The following PLEKHA6 variants were observed in gnomAD, a reference collection of about 807,000 sequenced individuals.
PLEKHA6 encodes pleckstrin homology domain containing A6.
Under a neutral mutation model 116.7 loss-of-function variants are expected in PLEKHA6, and 60 were observed. The observed-to-expected ratio is 0.51, with a 90% CI of 0.42 to 0.64. The LOEUF (loss-of-function observed/expected upper bound fraction) is 0.64, where lower values mean the gene tolerates loss of function less well. Ranked by LOEUF, PLEKHA6 falls within the 30% of genes least tolerant of loss-of-function variation. The pLI is 0.00. For missense variants in PLEKHA6, 1,338 were observed against 1,422.7 expected (o/e 0.94, Z 0.96); for synonymous variants, 489 against 556.1 (o/e 0.88, Z 1.70).
At chr1:204,358,073 G>A (rs1673464109) in intron 1 of PLEKHA6, among the ~76,000 whole-genome samples, 1 of 152,178 alleles carries the variant, frequency 6.6e-6, no homozygotes. Context: ...AAGCAGGTGG[G>A]GACCCCCATT....
At chr1:204,340,600 G>A (rs1672812124) in intron 1 of PLEKHA6, among the ~76,000 whole-genome samples, 1 of 152,106 alleles carries the variant, frequency 6.6e-6, no homozygotes, top group South Asian at 2.1e-4. Flanking sequence ...AGCCAAGCTG[G>A]GCAAGTAGGT....
At chr1:204,378,007 C>G (rs897875434), upstream of PLEKHA6, 1 of 152,276 alleles carries the variant, frequency 6.6e-6, no homozygotes, top group East Asian at 1.9e-4. Context: ...TGAGTAATTA[C>G]GATGCCTCTC....
chr1:204,346,729 A>C lies in PLEKHA6; in HGVS notation c.-95+12965T>G. 3 of 798,954 alleles carry C rather than the reference A, an allele frequency of 3.8e-6. No homozygotes were observed. In the South Asian group the frequency reaches 4.1e-5, roughly 11 times the overall value. The allele number at this position is 798,954 out of a possible 1,614,324, so 49.5% of individuals were successfully genotyped here. On this transcript the variant is annotated intron_variant, in intron 1 of 22. Transcript: ENST00000272203. ...AGGGATGTTCCTTGCTGAGAAAAAG[A>C]ATTCAGCGATATTTCTCCCATTTGC...
At chr1:204,359,299 C>G (rs1161196141) in intron 1 of PLEKHA6, among the ~76,000 whole-genome samples, 1 of 152,036 alleles carries the variant, frequency 6.6e-6, no homozygotes, top group Non-Finnish European at 1.5e-5. Flanking sequence ...CCCTGGACCC[C>G]CTCCCTCTCT....
At chr1:204,243,635 G>A (rs951359582) in intron 15 of PLEKHA6, among the ~76,000 whole-genome samples, 2 of 151,982 alleles carry the variant, frequency 1.3e-5, no homozygotes, top group Admixed American at 1.3e-4. Flanking sequence ...GCTGCTCTGT[G>A]GCCTGGTTTA....
chr1:204,223,548 A>T lies in PLEKHA6; in HGVS notation c.3069T>A (p.Ala1023=). The T allele has an allele frequency of 7.3e-7, 1 of 1,361,640 alleles. No homozygotes were observed. The highest frequency in any genetic ancestry group is 1.2e-5 in the South Asian group (1 of 81,640). The allele number at this position is 1,361,640 out of a possible 1,614,324, so 84.3% of individuals were successfully genotyped here. A position where few individuals can be genotyped will look rare whatever the true frequency, so the allele number is the denominator to read the frequency against. The change falls in exon 22 of 23, where the codon GCT becomes GCA. Residue 1023 remains alanine (A), a synonymous_variant. Coordinates refer to ENST00000272203, the MANE Select transcript of PLEKHA6 (RefSeq NM_014935.5). The surrounding 1 kb of genome is among the most constrained non-coding windows in gnomAD (Gnocchi z 4.8). ...GGGGGTTTGCTGGAGGAGCCGGGGA[A>T]GCAGGGGAGGTGGGAGGGCTTGGGG... is the stretch of plus-strand genomic sequence containing the variant. ...CATPSPPTSP[A]SPAPPANPLS...
chr1:204,260,111 G>A (rs1024581370), intron 7 of PLEKHA6, among the ~76,000 whole-genome samples: 11 of 152,116 alleles, frequency 7.2e-5, no homozygotes, highest in African/African-American at 2.4e-4. Context: ...CCCTGACCCA[G>A]CTCCCCAAAC....
chr1:204,285,562 G>A (rs34061503), intron 1 of PLEKHA6, among the ~76,000 whole-genome samples: 52,874 of 151,264 alleles, frequency 0.35, 9,569 homozygotes, highest in East Asian at 0.52. Flanking sequence ...CGCAGGCTCC[G>A]CTCCCTGAGC....
chr1:204,243,879 G>A (rs1434762292), intron 15 of PLEKHA6, among the ~76,000 whole-genome samples: 3 of 152,046 alleles, frequency 2.0e-5, no homozygotes, highest in Non-Finnish European at 2.9e-5. Flanking sequence ...GAAGTGCAGT[G>A]GCGCAATCTC....
At chr1:204,310,107 G>T (rs1671603692) in intron 1 of PLEKHA6, among the ~76,000 whole-genome samples, 3 of 151,912 alleles carry the variant, frequency 2.0e-5, no homozygotes, top group Non-Finnish European at 2.9e-5. Flanking sequence ...GCTGGATGTG[G>T]CCCATGGGTC....
intron 17 of PLEKHA6, among the ~76,000 whole-genome samples, chr1:204,235,279 C>T (rs1661874575): frequency 6.6e-6 from 1 of 151,884 alleles, no homozygotes; most frequent in Non-Finnish European, 1.5e-5. Context: ...AAAATAAATG[C>T]ATTTGACACT....
At chr1:204,240,376 G>A (rs193131539) in intron 17 of PLEKHA6, among the ~76,000 whole-genome samples, 14 of 152,376 alleles carry the variant, frequency 9.2e-5, no homozygotes, top group Non-Finnish European at 1.5e-4. Flanking sequence ...GCAAAAGAAA[G>A]TAGTCATCAA....
At chr1:204,251,649 C>G (rs1040831422) in intron 9 of PLEKHA6, 5 of 699,382 alleles carry the variant, frequency 7.1e-6, no homozygotes, top group Non-Finnish European at 1.0e-5. Context: ...CACACTCCGA[C>G]CTACATGTAG....
chr1:204,348,894 C>G (rs1278757726), intron 1 of PLEKHA6, among the ~76,000 whole-genome samples: 3 of 152,196 alleles, frequency 2.0e-5, no homozygotes, highest in African/African-American at 4.8e-5. Context: ...AGCCTGAGGC[C>G]TCTAGGCATG....
chr1:204,256,861 C>A, intron 9 of PLEKHA6: 1 of 665,232 alleles, frequency 1.5e-6, no homozygotes, highest in Non-Finnish European at 2.7e-6. Context: ...CCTGCAGGGA[C>A]TGGCCGCCTG....
At position 204,335,304 on chromosome 1, in the gene PLEKHA6, G is replaced by T. The variant is rs188360215; in HGVS notation, c.-95+24390C>A. Among the ~76,000 whole-genome samples the T allele has an allele frequency of 3.4e-4, 52 of 152,180 alleles. 2 individuals carry two copies. Among genetic ancestry groups the T allele is most frequent in the Admixed American group, 3.2e-3 (49 of 15,288 alleles). On this transcript the variant is annotated intron_variant, in intron 1 of 22. Transcript: ENST00000272203. ...ATGGCTCAGGCAGCTGGGCAGGGGG[G>T]TGTTTAGCTTGGCCTCAGCCCAGCA...
At position 204,245,619 on chromosome 1, in the gene PLEKHA6, G is replaced by A; in HGVS notation, c.2028C>T (p.His676=). The A allele has an allele frequency of 6.2e-7, 1 of 1,603,654 alleles. No homozygotes were observed. The highest frequency in any genetic ancestry group is 8.5e-7 in the Non-Finnish European group (1 of 1,170,946). The change falls in exon 14 of 23, where the codon CAC becomes CAT. Residue 676 remains histidine, a synonymous_variant. Coordinates refer to ENST00000272203, the MANE Select transcript of PLEKHA6 (RefSeq NM_014935.5). ...NPSRGTDTAK[H]RGGLGPSATY... The stretch of plus-strand genomic sequence containing the variant: ...GCTGGCACAGGAGGCACCCACCTCT[G>A]TGCTTGGCGGTGTCCGTGCCCCGGG...
At chr1:204,341,546 G>T (rs1027509276) in intron 1 of PLEKHA6, among the ~76,000 whole-genome samples, 2 of 152,188 alleles carry the variant, frequency 1.3e-5, no homozygotes, top group Admixed American at 1.3e-4. Flanking sequence ...AACATTGCTG[G>T]CTAAATAAAT....
At chr1:204,256,003 G>T (rs75659566) in intron 9 of PLEKHA6, among the ~76,000 whole-genome samples, 7 of 152,316 alleles carry the variant, frequency 4.6e-5, no homozygotes, top group African/African-American at 1.7e-4. Context: ...CTGTTTCTGA[G>T]TTTTCTGGAA....
Sources: gnomAD v4.1 joint callset for allele counts (sites outside exome capture counted in the v4.1 genomes callset) on GRCh38, gnomAD v4.1.1 for gene constraint, Gnocchi (gnomAD v3.1) non-coding constraint, MANE v1.5 for transcripts, NCBI Gene and HGNC (gene_info 2026-07-23, HGNC 2026-07-21) for gene names.